The following MED6 variants were observed in gnomAD, a reference collection of about 807,000 sequenced individuals.
MED6 encodes mediator complex subunit 6, also known as mediator of RNA polymerase II transcription subunit 6.
Under a neutral mutation model 37.5 loss-of-function variants are expected in MED6, and 33 were observed. The ratio of observed to expected loss-of-function variants is 0.88; its 90% CI spans 0.67 to 1.18. The LOEUF (loss-of-function observed/expected upper bound fraction) is 1.18. MED6 is among the 50% of genes most tolerant of loss of function. The probability of loss-of-function intolerance (pLI) is 0.00; values close to 1 mark genes in which losing one functional copy is unlikely to be tolerated. For synonymous variants in MED6, 94 were observed against 93.6 expected (o/e 1.00, Z -0.02); for missense variants, 235 against 290.6 (o/e 0.81, Z 1.39).
chr14:70,594,659 A>G (rs936433700), intron 3 of MED6: 9 of 447,424 alleles, frequency 2.0e-5, no homozygotes, highest in Admixed American at 5.4e-5. Flanking sequence ...GCGTCTATAC[A>G]GGCACCGGAG....
intron 6 of MED6, among the ~76,000 whole-genome samples, chr14:70,590,564 A>G (rs1191647288): frequency 6.6e-6 from 1 of 152,214 alleles, no homozygotes; most frequent in Non-Finnish European, 1.5e-5. Context: ...TCCCTTAAAG[A>G]GCTCCTAACA....
Position 70,583,794 on chromosome 14 carries a change from G to C in MED6, c.*1019C>G. ...AAATTGTACGAAAGGAATGATTAAA[G>C]TACAGTTTTAAAAGCATCTACATGC... On this transcript the variant is annotated 3_prime_UTR_variant, in exon 8 of 8. Coordinates refer to ENST00000256379, the MANE Select transcript of MED6 (RefSeq NM_005466.4). 3.5e-6 allele frequency: 1 copy of C among 287,554 alleles called. No individual in the cohort carries two copies. Among genetic ancestry groups the C allele is most frequent in the Non-Finnish European group, 6.4e-6 (1 of 156,804 alleles). 17.8% of individuals were successfully genotyped at this position (287,554 alleles called of 1,614,324 possible). A position where few individuals can be genotyped will look rare whatever the true frequency, so the allele number is the denominator to read the frequency against.
chr14:70,587,301 T>C (rs1256656073), intron 6 of MED6, among the ~76,000 whole-genome samples: 2 of 152,238 alleles, frequency 1.3e-5, no homozygotes, highest in African/African-American at 2.4e-5. Flanking sequence ...TGCTATATTA[T>C]AGCAATAAAT....
rs529195196 is a variant in MED6, at chr14:70,583,516, T to C, written c.*1297A>G. ...ACTTAGCAATATGGACTAAGAGCAA[T>C]AAAAATGCAGAGACTCTAGTGATTC... On this transcript the variant is annotated 3_prime_UTR_variant, in exon 8 of 8. Coordinates refer to ENST00000256379, the MANE Select transcript of MED6 (RefSeq NM_005466.4). 1 of 152,234 alleles carries C rather than the reference T, an allele frequency of 6.6e-6. No individual in the cohort carries two copies. Among genetic ancestry groups the C allele is most frequent in the Non-Finnish European group, 1.5e-5 (1 of 68,016 alleles). The allele number at this position is 152,234 out of a possible 1,614,324, so 9.4% of individuals were successfully genotyped here.
At chr14:70,595,253 G>A in intron 3 of MED6, 1 of 547,222 alleles carries the variant, frequency 1.8e-6, no homozygotes, top group South Asian at 1.4e-5. Flanking sequence ...GATGAAGGTA[G>A]ATACCCCCAA....
At position 70,597,569 on chromosome 14, in the gene MED6, T is replaced by C. The variant is rs758293843; in HGVS notation, c.182+49A>G. On this transcript the variant is annotated intron_variant, in intron 2 of 7. Coordinates refer to ENST00000256379, the MANE Select transcript of MED6 (RefSeq NM_005466.4). ...ATCCACAGTTTGAAAGAACTGTTCA[T>C]TGCAAAACTTGTATTTGGAAAAAGT... The C allele has an allele frequency of 1.9e-5, 27 of 1,396,650 alleles. No homozygotes were observed. The African/African-American group carries it at 3.3e-4, about 17-fold the overall frequency. 86.5% of individuals were successfully genotyped at this position (1,396,650 alleles called of 1,614,324 possible).
At chr14:70,598,242 A>G (rs1885102250) in intron 1 of MED6, among the ~76,000 whole-genome samples, 2 of 152,182 alleles carry the variant, frequency 1.3e-5, no homozygotes, top group African/African-American at 4.8e-5. Context: ...GATTGTGGTG[A>G]GACGAGATCA....
At position 70,596,354 on chromosome 14, in the gene MED6, T is replaced by C. The variant is rs191569767; in HGVS notation, c.274+257A>G. On this transcript the variant is annotated intron_variant, in intron 3 of 7. Transcript: ENST00000256379. Reference sequence around the variant, plus strand: ...AAAGCATAAGAAACTTGCACATGGATTCCTACAGACCCCACCTGACATGTC... The same window carrying C: ...AAAGCATAAGAAACTTGCACATGGACTCCTACAGACCCCACCTGACATGTC... 9 of 324,304 alleles carry C rather than the reference T, an allele frequency of 2.8e-5. No individual in the cohort carries two copies. In the South Asian group the frequency reaches 5.5e-4, roughly 20 times the overall value. 20.1% of individuals were successfully genotyped at this position (324,304 alleles called of 1,614,324 possible).
At chr14:70,600,262 G>A (rs1436989611) in intron 1 of MED6, among the ~76,000 whole-genome samples, 1 of 152,072 alleles carries the variant, frequency 6.6e-6, no homozygotes, top group Non-Finnish European at 1.5e-5. Flanking sequence ...AATCAAGTTG[G>A]CTTATTACCC....
chr14:70,596,439 G>GT (rs1342595308), intron 3 of MED6, 172 bp downstream of exon 3: 26 of 523,152 alleles, frequency 5.0e-5, no homozygotes, highest in Non-Finnish European at 1.7e-5. Flanking sequence ...AATCTTAGCT[G>GT]TAAGTACAAC....
At chr14:70,588,167 G>A (rs1884764723) in intron 6 of MED6, among the ~76,000 whole-genome samples, 1 of 152,062 alleles carries the variant, frequency 6.6e-6, no homozygotes, top group South Asian at 2.1e-4. Context: ...ATTTTTGTTA[G>A]GAAAAGCAAA....
At chr14:70,594,915 G>A in intron 3 of MED6, 1 of 614,078 alleles carries the variant, frequency 1.6e-6, no homozygotes, top group Non-Finnish European at 3.1e-6. Flanking sequence ...TGGATAAGAA[G>A]GGACCCCAGG....
At chr14:70,586,187 G>C (rs1042654592) in intron 6 of MED6, among the ~76,000 whole-genome samples, 2 of 152,172 alleles carry the variant, frequency 1.3e-5, no homozygotes, top group African/African-American at 2.4e-5. Flanking sequence ...CTTATGGGAA[G>C]GGAGAATGAA....
chr14:70,586,144 T>C (rs1457174499), intron 6 of MED6, among the ~76,000 whole-genome samples: 2 of 152,158 alleles, frequency 1.3e-5, no homozygotes, highest in Admixed American at 6.5e-5. Flanking sequence ...AGTCTTTCAA[T>C]ACCCCAGAGT....
At chr14:70,596,755 T>G (rs1320258735) in intron 2 of MED6, 53 bp from the exon 3 acceptor site, 3 of 1,215,022 alleles carry the variant, frequency 2.5e-6, no homozygotes, top group Non-Finnish European at 3.6e-6. Flanking sequence ...ACAAATAATT[T>G]TATAAGACAT....
chr14:70,597,467 T>C (rs1056617115), intron 2 of MED6, 151 bp downstream of exon 2: 4 of 477,788 alleles, frequency 8.4e-6, no homozygotes, highest in Non-Finnish European at 1.0e-5. Context: ...TACTAATAGT[T>C]ACCCTGCATG....
intron 1 of MED6, 101 bp downstream of exon 1, chr14:70,600,515 G>C: frequency 7.4e-7 from 1 of 1,342,396 alleles, no homozygotes; most frequent in Non-Finnish European, 1.1e-6. Flanking sequence ...AAAAAAGCTT[G>C]AGACTTCACA....
chr14:70,595,059 G>A (rs2139600426), intron 3 of MED6: 1 of 552,708 alleles, frequency 1.8e-6, no homozygotes, highest in African/African-American at 1.9e-5. Flanking sequence ...TCAAGTATGA[G>A]ACAGAGCTGG....
chr14:70,597,690 C>T lies in MED6; in HGVS notation c.110G>A (p.Ser37Asn), dbSNP rs1268731323. The T allele has an allele frequency of 1.3e-6, 2 of 1,564,932 alleles. No individual in the cohort carries two copies. Among genetic ancestry groups the T allele is most frequent in the Non-Finnish European group, 1.7e-6 (2 of 1,163,034 alleles). The change falls in exon 2 of 8, where the codon AGT becomes AAT. Residue 37 changes from serine (S) to asparagine (N), a missense_variant. Transcript: ENST00000256379. Reference sequence around the variant, plus strand: ...ACATGTTCTGTCATAAAAAGGATTACTTCTTTCTGAAAAGTAATCCAGGAC... The same window carrying T: ...ACATGTTCTGTCATAAAAAGGATTATTTCTTTCTGAAAAGTAATCCAGGAC... Reference protein sequence around the residue: ...GSVLDYFSERSNPFYDRTCNN... With the variant: ...GSVLDYFSERNNPFYDRTCNN...
Sources: gnomAD v4.1 joint callset for allele counts (sites outside exome capture counted in the v4.1 genomes callset) on GRCh38, gnomAD v4.1.1 for gene constraint, MANE v1.5 for transcripts, NCBI Gene and HGNC (gene_info 2026-07-23, HGNC 2026-07-21) for gene names.